The following USP13 variants were observed in gnomAD, a reference collection of about 807,000 sequenced individuals.
The protein encoded by USP13 is ubiquitin specific peptidase 13.
USP13 carries 68 observed loss-of-function variants against 107.8 expected under a neutral mutation model. That is an observed-to-expected ratio of 0.63 (90% CI 0.52 to 0.77). USP13 has a LOEUF of 0.77. USP13 is among the 30% of genes least tolerant of loss of function. USP13 has a pLI of 0.00. For missense variants in USP13, 945 were observed against 1,093.3 expected (o/e 0.86, Z 1.91); for synonymous variants, 377 against 389.5 (o/e 0.97, Z 0.38).
At chr3:179,730,774 C>G in intron 10 of USP13, 65 bp downstream of exon 10, 1 of 1,494,176 alleles carries the variant, frequency 6.7e-7, no homozygotes, top group Non-Finnish European at 9.3e-7. Flanking sequence ...TGTGGGTTTC[C>G]TATGATTTGG....
intron 6 of USP13, among the ~76,000 whole-genome samples, chr3:179,717,895 A>G (rs1322521561): frequency 3.9e-5 from 6 of 152,204 alleles, no homozygotes; most frequent in Non-Finnish European, 8.8e-5. Context: ...CACAGTTATC[A>G]TGGGCCTCTG....
At chr3:179,748,479 G>A (rs1163178267) in intron 13 of USP13, among the ~76,000 whole-genome samples, 3 of 152,156 alleles carry the variant, frequency 2.0e-5, no homozygotes, top group Non-Finnish European at 4.4e-5. Flanking sequence ...AGAGCCTGAA[G>A]ACCAGGAAGA....
intron 8 of USP13, 46 bp from the exon 9 acceptor site, chr3:179,730,143 T>C (rs766116674): frequency 1.3e-6 from 2 of 1,536,438 alleles, no homozygotes; most frequent in Admixed American, 3.6e-5. Context: ...TTGGTTCTGT[T>C]CTTCTTGCAG....
intron 8 of USP13, among the ~76,000 whole-genome samples, chr3:179,729,777 A>G (rs1713731947): frequency 1.3e-5 from 2 of 152,136 alleles, no homozygotes; most frequent in South Asian, 4.1e-4. Context: ...TGGCCTCTGT[A>G]CCACTGTCAT....
rs1290242100 is a variant in USP13, at chr3:179,721,041, T to C, written c.901-361T>C. Among the ~76,000 whole-genome samples, 1 of 152,210 alleles carries C rather than the reference T, an allele frequency of 6.6e-6. No homozygotes were observed. ...TCAGGTGGGTCTCGAACTCCTGACT[T>C]CAGGTGATCTGCCCACCTCAGCCTC... is the stretch of plus-strand genomic sequence containing the variant. On this transcript the variant is annotated intron_variant, in intron 7 of 20. Transcript: ENST00000263966. The surrounding 1 kb of genome is among the most constrained non-coding windows in gnomAD (Gnocchi z 4.3).
chr3:179,689,194 T>C (rs1022965596), intron 2 of USP13, among the ~76,000 whole-genome samples: 1 of 151,958 alleles, frequency 6.6e-6, no homozygotes, highest in Non-Finnish European at 1.5e-5. Flanking sequence ...GGAAACATGC[T>C]TTTTTCTAGT....
rs1715930973 is a variant in USP13, at chr3:179,786,990, CA to C, written c.*2850del. ...TGATCTAAATGCCCATATAACTAAT[CA>C]GAAATCCAGTTTGGTTCAGATTGGG... On this transcript the variant is annotated 3_prime_UTR_variant, in exon 21 of 21. Coordinates refer to ENST00000263966, the MANE Select transcript of USP13 (RefSeq NM_003940.3). The C allele has an allele frequency of 1.3e-5, 2 of 152,116 alleles. No individual in the cohort carries two copies. Among genetic ancestry groups the C allele is most frequent in the African/African-American group, 4.8e-5 (2 of 41,514 alleles). 9.4% of individuals were successfully genotyped at this position (152,116 alleles called of 1,614,324 possible). A position where few individuals can be genotyped will look rare whatever the true frequency, so the allele number is the denominator to read the frequency against.
intron 8 of USP13, among the ~76,000 whole-genome samples, chr3:179,728,631 T>A (rs1056596806): frequency 6.6e-6 from 1 of 151,984 alleles, no homozygotes; most frequent in Non-Finnish European, 1.5e-5. Flanking sequence ...CAAGGCAGGC[T>A]GCTGAGAGGT....
At chr3:179,715,307 A>G (rs1366522592) in intron 6 of USP13, among the ~76,000 whole-genome samples, 3 of 150,608 alleles carry the variant, frequency 2.0e-5, no homozygotes, top group Admixed American at 1.3e-4. Context: ...ATTATAACCT[A>G]TTCTCTCTTT....
At chr3:179,690,359 T>C in intron 3 of USP13, 58 bp downstream of exon 3, 1 of 1,413,918 alleles carries the variant, frequency 7.1e-7, no homozygotes. Context: ...TATATGTGCA[T>C]ACTCATGTGC....
intron 1 of USP13, among the ~76,000 whole-genome samples, chr3:179,666,594 T>C (rs1364859737): frequency 6.6e-6 from 1 of 152,152 alleles, no homozygotes; most frequent in Admixed American, 6.5e-5. Flanking sequence ...AGCTGTCCTT[T>C]TGCATTTGGG....
chr3:179,707,899 A>G (rs1167475654), intron 5 of USP13, among the ~76,000 whole-genome samples: 2 of 152,216 alleles, frequency 1.3e-5, no homozygotes, highest in African/African-American at 4.8e-5. Flanking sequence ...GTTTGTAAAA[A>G]TAGAGATGGT....
chr3:179,756,421 CAAACAAACA>C (rs1229234866), intron 15 of USP13, among the ~76,000 whole-genome samples: 3 of 74,474 alleles, frequency 4.0e-5, no homozygotes, highest in Non-Finnish European at 8.8e-5. Flanking sequence ...AAAAAACAAA[CAAACAAACA>C]AACAAACAAA....
Position 179,740,276 on chromosome 3 carries a change from G to A in USP13, c.1284G>A (p.Met428Ile), listed in dbSNP as rs1714141570. 1.9e-6 allele frequency: 3 copies of A among 1,614,008 alleles called. No homozygotes were observed. The highest frequency in any genetic ancestry group is 1.3e-5 in the African/African-American group (1 of 74,912). ...AGCAGAACGGGATCTCTCCGCGCAT[G>A]TTTAAGGCCTTTGTAAGCAAGAGCC... is the stretch of plus-strand genomic sequence containing the variant. Reference protein sequence around the residue: ...KPQQNGISPRMFKAFVSKSHP... With the variant: ...KPQQNGISPRIFKAFVSKSHP... The change falls in exon 11 of 21, where the codon ATG becomes ATA. Residue 428 changes from methionine to isoleucine, a missense_variant. By Grantham distance (10) the Met-to-Ile change is conservative. Transcript: ENST00000263966.
chr3:179,666,472 C>A (rs1270473716), intron 1 of USP13, among the ~76,000 whole-genome samples: 1 of 152,124 alleles, frequency 6.6e-6, no homozygotes, highest in Non-Finnish European at 1.5e-5. Flanking sequence ...GCTGTGAGAG[C>A]CTCTAAGTCT....
chr3:179,704,063 T>C (rs1051345721), intron 4 of USP13, among the ~76,000 whole-genome samples: 17 of 152,044 alleles, frequency 1.1e-4, no homozygotes, highest in African/African-American at 3.9e-4. Flanking sequence ...TGAGATAACA[T>C]ATCCAGGGAA....
At position 179,653,116 on chromosome 3, in the gene USP13, C is replaced by A; in HGVS notation, c.-110C>A. ...CGCCCGCCCCGGCTCGGCCGGCTGC[C>A]GTTGCCCGCGCAGCCCGCCCGTCAG... On this transcript the variant is annotated 5_prime_UTR_variant, in exon 1 of 21. Coordinates refer to ENST00000263966, the MANE Select transcript of USP13 (RefSeq NM_003940.3). The surrounding 1 kb of genome is among the most constrained non-coding windows in gnomAD (Gnocchi z 4.0). 1.1e-6 allele frequency: 1 copy of A among 933,670 alleles called. No individual in the cohort carries two copies. The highest frequency in any genetic ancestry group is 4.7e-5 in the South Asian group (1 of 21,082). The allele number at this position is 933,670 out of a possible 1,614,324, so 57.8% of individuals were successfully genotyped here. A position where few individuals can be genotyped will look rare whatever the true frequency, so the allele number is the denominator to read the frequency against.
intron 17 of USP13, among the ~76,000 whole-genome samples, chr3:179,761,597 C>G (rs138538878): frequency 1.3e-5 from 2 of 152,246 alleles, no homozygotes; most frequent in African/African-American, 4.8e-5. Flanking sequence ...TGGTGCGTAC[C>G]TGTAGTCCCA....
intron 8 of USP13, among the ~76,000 whole-genome samples, chr3:179,728,149 G>A (rs568344893): frequency 3.7e-5 from 5 of 135,110 alleles, no homozygotes; most frequent in Admixed American, 1.5e-4. Flanking sequence ...AGGGGCGGCC[G>A]GGCAGAGGCG....
Sources: allele counts gnomAD v4.1 joint callset (sites outside exome capture counted in the v4.1 genomes callset), GRCh38; gene constraint gnomAD v4.1.1; non-coding constraint Gnocchi (gnomAD v3.1); transcripts MANE v1.5; gene names NCBI Gene and HGNC (gene_info 2026-07-23, HGNC 2026-07-21).